ANO1: variants seen among roughly 807,000 people sequenced by gnomAD.
The protein encoded by ANO1 is anoctamin 1.
In ANO1, 59 loss-of-function variants were observed where a neutral mutation model predicts 124.0. The ratio of observed to expected loss-of-function variants is 0.48; its 90% CI spans 0.39 to 0.59. The LOEUF (loss-of-function observed/expected upper bound fraction) is 0.59, where lower values mean the gene tolerates loss of function less well. Among genes scored for constraint, ANO1 ranks in the 20% least tolerant of loss-of-function variants. ANO1 has a pLI of 0.00. For synonymous variants in ANO1, 529 were observed against 532.0 expected (o/e 0.99, Z 0.08); for missense variants, 1,059 against 1,328.0 (o/e 0.80, Z 3.15).
intron 1 of ANO1, chr11:70,085,818 C>A: frequency 9.7e-7 from 1 of 1,035,406 alleles, no homozygotes; most frequent in Non-Finnish European, 1.3e-6. Flanking sequence ...CACCCTCCGG[C>A]TTCCCTGATA....
At chr11:70,147,344 C>T (rs529854218) in intron 11 of ANO1, among the ~76,000 whole-genome samples, 1 of 152,242 alleles carries the variant, frequency 6.6e-6, no homozygotes, top group East Asian at 1.9e-4. Context: ...GCATTGCCTC[C>T]TGGGGAGGGT....
intron 1 of ANO1, among the ~76,000 whole-genome samples, chr11:70,071,968 T>G (rs1565174021): frequency 6.6e-6 from 1 of 152,206 alleles, no homozygotes; most frequent in East Asian, 1.9e-4. Context: ...ATTCTTTATA[T>G]AACAGGTCAC....
Position 70,136,607 on chromosome 11 carries a change from GGGCCCAGGGAGAGTCAGGAGA to G in ANO1, c.1258+4533_1258+4553del, listed in dbSNP as rs1353102737. On this transcript the variant is annotated intron_variant, in intron 11 of 25. Transcript: ENST00000355303. ...CCTGCAAGCCTCTGTGAGCAAGTGA[GGGCCCAGGGAGAGTCAGGAGA>G]GGCCTTTCCTGGTGAGGTCAGGTGC... is the stretch of plus-strand genomic sequence containing the variant. Among the ~76,000 whole-genome samples the G allele has an allele frequency of 1.4e-5, 2 of 147,552 alleles. 1 individual carries two copies. Among genetic ancestry groups the G allele is most frequent in the Admixed American group, 1.4e-4 (2 of 14,040 alleles).
At chr11:70,002,750 T>A (rs1856409842) in intron 1 of ANO1, among the ~76,000 whole-genome samples, 1 of 152,186 alleles carries the variant, frequency 6.6e-6, no homozygotes, top group Admixed American at 6.5e-5. Flanking sequence ...AAAGAAGTCA[T>A]GGGTGCCGTC....
At chr11:70,163,591 C>G in intron 19 of ANO1, 1 of 604,024 alleles carries the variant, frequency 1.7e-6, no homozygotes, top group East Asian at 2.8e-5. Flanking sequence ...AACACAACAT[C>G]TGGTTTTCTT....
At chr11:70,149,405 C>A in intron 11 of ANO1, 1 of 373,366 alleles carries the variant, frequency 2.7e-6, no homozygotes, top group South Asian at 2.4e-5. Flanking sequence ...AGTCCCCACA[C>A]TTTGGGAGGC....
intron 1 of ANO1, among the ~76,000 whole-genome samples, chr11:70,042,548 T>TGAGAGA (rs146754285): frequency 2.9e-5 from 4 of 136,336 alleles, no homozygotes; most frequent in East Asian, 2.1e-4. Flanking sequence ...ATTGAGAGAT[T>TGAGAGA]GAGAGAGAGA....
intron 10 of ANO1, 65 bp from the exon 11 acceptor site, chr11:70,131,854 G>A (rs1246034990): frequency 9.1e-6 from 14 of 1,535,874 alleles, no homozygotes; most frequent in Middle Eastern, 3.4e-4. Flanking sequence ...AGGCCAGCTC[G>A]GCACCCAGGA....
chr11:70,178,566 CTT>C lies in ANO1; in HGVS notation c.2351-1424_2351-1423del, dbSNP rs35759051. 7.9e-3 allele frequency among the ~76,000 whole-genome samples: 1,119 copies of C among 141,162 alleles called. 6 individuals are homozygous for C. Among genetic ancestry groups the C allele is most frequent in the African/African-American group, 0.021 (831 of 38,732 alleles). The allele number at this position is 141,162 out of a possible 152,430, so 92.6% of individuals were successfully genotyped here. ...GCAATGGGTTGCAGTGGGTATTTCT[CTT>C]TTTTTTTTTTTTTGAGACAGAACCT... On this transcript the variant is annotated intron_variant, in intron 22 of 25. Transcript: ENST00000355303.
At chr11:70,176,519 G>C (rs748262003) in intron 22 of ANO1, among the ~76,000 whole-genome samples, 2 of 152,142 alleles carry the variant, frequency 1.3e-5, no homozygotes, top group African/African-American at 2.4e-5. Context: ...TTATGATAAG[G>C]GGTTTTGGAA....
chr11:70,068,928 C>T lies in ANO1; in HGVS notation c.59-9614C>T, dbSNP rs138680059. Among the ~76,000 whole-genome samples, 578 of 152,310 alleles carry T rather than the reference C, an allele frequency of 3.8e-3. 4 individuals carry two copies. Among genetic ancestry groups the T allele is most frequent in the African/African-American group, 0.013 (542 of 41,570 alleles). On this transcript the variant is annotated intron_variant, in intron 1 of 27. Coordinates refer to the ANO1 transcript ENST00000531349. Reference sequence around the variant, plus strand: ...GCTGATGGTCCCCAATGTCACCAGCCGCTGCAGACTCATCCAGCTCCAAGG... The same window carrying T: ...GCTGATGGTCCCCAATGTCACCAGCTGCTGCAGACTCATCCAGCTCCAAGG...
chr11:70,102,958 C>A, intron 2 of ANO1, 108 bp from the exon 3 acceptor site: 1 of 735,302 alleles, frequency 1.4e-6, no homozygotes, highest in East Asian at 2.7e-5. Flanking sequence ...TAAAAGCAGC[C>A]ATGCACAGTA....
At chr11:70,175,218 CT>C (rs1348235245) in intron 22 of ANO1, among the ~76,000 whole-genome samples, 1 of 152,270 alleles carries the variant, frequency 6.6e-6, no homozygotes. Context: ...CCGCGTGCCT[CT>C]TTGGACTCTT....
chr11:70,059,827 A>G (rs1857530794), intron 1 of ANO1, among the ~76,000 whole-genome samples: 3 of 152,056 alleles, frequency 2.0e-5, no homozygotes, highest in Admixed American at 1.3e-4. Flanking sequence ...ACTTGCCCTG[A>G]GTTGGAAAAG....
At chr11:70,120,117 T>C (rs2046197285) in intron 8 of ANO1, among the ~76,000 whole-genome samples, 1 of 152,072 alleles carries the variant, frequency 6.6e-6, no homozygotes, top group African/African-American at 2.4e-5. Flanking sequence ...CCTGGATACC[T>C]CACAGGGCAG....
intron 2 of ANO1, among the ~76,000 whole-genome samples, chr11:70,092,600 G>A (rs1290560381): frequency 6.6e-6 from 1 of 152,222 alleles, no homozygotes; most frequent in Non-Finnish European, 1.5e-5. Context: ...GGGGGACCCA[G>A]CACCTGGGGT....
intron 19 of ANO1, among the ~76,000 whole-genome samples, chr11:70,164,721 A>G (rs2048186039): frequency 6.6e-6 from 1 of 152,094 alleles, no homozygotes; most frequent in South Asian, 2.1e-4. Flanking sequence ...AAGGTGGCAA[A>G]GGCCCACTGA....
chr11:69,979,759 G>A, the ANO1 span, among the ~76,000 whole-genome samples: 2 of 152,202 alleles, frequency 1.3e-5, no homozygotes. Context: ...GGGAGCCAAC[G>A]TGAAGTGGCA....
chr11:69,974,788 G>A, the ANO1 span, among the ~76,000 whole-genome samples: 1 of 152,114 alleles, frequency 6.6e-6, no homozygotes, highest in African/African-American at 2.4e-5. Context: ...AGCCTTCCGG[G>A]CAGGAGAGCT....
Sources: allele counts gnomAD v4.1 joint callset (sites outside exome capture counted in the v4.1 genomes callset), GRCh38; gene constraint gnomAD v4.1.1; transcripts MANE v1.5; gene names NCBI Gene and HGNC (gene_info 2026-07-23, HGNC 2026-07-21).